GPC5: variants seen among roughly 807,000 people sequenced by gnomAD.
GPC5 encodes glypican 5.
A neutral mutation model predicts 53.9 loss-of-function variants in GPC5; 47 were observed. The observed-to-expected ratio is 0.87, with a 90% CI of 0.69 to 1.11. GPC5 has a LOEUF of 1.11. Ranked by LOEUF, GPC5 falls within the 50% of genes most tolerant of loss-of-function variation. The pLI, the probability that GPC5 is intolerant of heterozygous loss-of-function variation, is 0.00. For synonymous variants in GPC5, 286 were observed against 263.3 expected (o/e 1.09, Z -0.84); for missense variants, 748 against 713.1 (o/e 1.05, Z -0.56).
intron 7 of GPC5, among the ~76,000 whole-genome samples, chr13:92,519,296 A>C (rs995272208): frequency 2.6e-5 from 4 of 151,938 alleles, no homozygotes; most frequent in Non-Finnish European, 4.4e-5. Flanking sequence ...CATCTACAGA[A>C]CTCTCCACCC....
At chr13:92,615,979 G>A (rs542337557) in intron 7 of GPC5, among the ~76,000 whole-genome samples, 1 of 152,208 alleles carries the variant, frequency 6.6e-6, no homozygotes, top group Non-Finnish European at 1.5e-5. Context: ...GCGTGAACCC[G>A]GGAGGCAGAG....
At chr13:92,253,757 T>A (rs1289074551) in intron 7 of GPC5, among the ~76,000 whole-genome samples, 3 of 152,102 alleles carry the variant, frequency 2.0e-5, no homozygotes, top group Non-Finnish European at 4.4e-5. Context: ...GATAGTACTA[T>A]TTTATTAACA....
chr13:91,685,930 T>TAA (rs34313349), intron 2 of GPC5, among the ~76,000 whole-genome samples: 3 of 142,220 alleles, frequency 2.1e-5, no homozygotes, highest in African/African-American at 5.1e-5. Context: ...ATGAATTAAC[T>TAA]AAAAAAAAAA....
intron 5 of GPC5, among the ~76,000 whole-genome samples, chr13:91,859,697 C>A (rs1464640421): frequency 1.3e-5 from 2 of 150,816 alleles, no homozygotes; most frequent in East Asian, 2.0e-4. Context: ...TTCAAAGGAA[C>A]TTTTCACTTT....
chr13:92,038,763 A>G (rs1048960749), intron 6 of GPC5, among the ~76,000 whole-genome samples: 10 of 152,018 alleles, frequency 6.6e-5, no homozygotes, highest in African/African-American at 2.4e-4. Flanking sequence ...GTATTACTCA[A>G]TACCTTGAAA....
intron 5 of GPC5, among the ~76,000 whole-genome samples, chr13:91,818,033 A>C (rs979073189): frequency 6.6e-6 from 1 of 152,164 alleles, no homozygotes; most frequent in African/African-American, 2.4e-5. Context: ...TTCACCTAAA[A>C]GGGTATTTTA....
intron 7 of GPC5, among the ~76,000 whole-genome samples, chr13:92,287,514 A>G (rs1332544211): frequency 6.6e-6 from 1 of 152,114 alleles, no homozygotes; most frequent in African/African-American, 2.4e-5. Flanking sequence ...AGTGTGCCTC[A>G]TACATATTGA....
chr13:92,322,546 A>G (rs2043223225), intron 7 of GPC5, among the ~76,000 whole-genome samples: 1 of 152,230 alleles, frequency 6.6e-6, no homozygotes, highest in Admixed American at 6.5e-5. Flanking sequence ...TGCTTAATGC[A>G]GTCTCACTAG....
At chr13:91,890,708 G>A (rs1182093794) in intron 5 of GPC5, among the ~76,000 whole-genome samples, 1 of 152,146 alleles carries the variant, frequency 6.6e-6, no homozygotes, top group Non-Finnish European at 1.5e-5. Context: ...AGTTTTAAAA[G>A]GTAAAATACA....
intron 3 of GPC5, among the ~76,000 whole-genome samples, chr13:91,706,095 G>A (rs1200958575): frequency 1.3e-5 from 2 of 151,718 alleles, no homozygotes; most frequent in African/African-American, 4.8e-5. Context: ...TGGCCAGGAT[G>A]GTCTTGATCT....
chr13:92,111,873 T>G (rs1327027932), intron 6 of GPC5, among the ~76,000 whole-genome samples: 1 of 152,156 alleles, frequency 6.6e-6, no homozygotes, highest in Non-Finnish European at 1.5e-5. Flanking sequence ...AAAACTATTT[T>G]GAAGGGAGGA....
Position 91,857,516 on chromosome 13 carries a change from A to G in GPC5, c.1281-50421A>G, listed in dbSNP as rs572148624. ...ACATATTGGTCTTATGTCTTGTTTT[A>G]TATATTTCTTATGATTTTATACACA... is the stretch of plus-strand genomic sequence containing the variant. On this transcript the variant is annotated intron_variant, in intron 5 of 7. Coordinates refer to ENST00000377067, the MANE Select transcript of GPC5 (RefSeq NM_004466.6). 4.5e-4 allele frequency among the ~76,000 whole-genome samples: 68 copies of G among 150,944 alleles called. 1 individual carries two copies. The South Asian group carries it at 0.014, about 31-fold the overall frequency.
Position 92,405,783 on chromosome 13 carries a change from A to G in GPC5, c.1561+260794A>G, listed in dbSNP as rs189850420. Among the ~76,000 whole-genome samples the G allele has an allele frequency of 8.4e-3, 1,275 of 152,084 alleles. 14 individuals carry two copies. Among genetic ancestry groups the G allele is most frequent in the Non-Finnish European group, 8.5e-3 (578 of 67,978 alleles). On this transcript the variant is annotated intron_variant, in intron 7 of 7. Coordinates refer to ENST00000377067, the MANE Select transcript of GPC5 (RefSeq NM_004466.6). Reference sequence around the variant, plus strand: ...TTATAAAGTGTATTCAACCACTGGGAAAAAAAAGTCTATATTTACACGTCC... The same window carrying G: ...TTATAAAGTGTATTCAACCACTGGGGAAAAAAAGTCTATATTTACACGTCC...
intron 7 of GPC5, among the ~76,000 whole-genome samples, chr13:92,803,249 A>G (rs1876974297): frequency 1.3e-5 from 2 of 151,946 alleles, no homozygotes; most frequent in African/African-American, 4.8e-5. Context: ...TAATCAGTGG[A>G]TAAATGTTTT....
intron 7 of GPC5, among the ~76,000 whole-genome samples, chr13:92,637,091 C>T (rs1256182330): frequency 2.0e-5 from 3 of 152,108 alleles, no homozygotes; most frequent in African/African-American, 4.8e-5. Flanking sequence ...GCCTTGGTTA[C>T]GACCCCCAAA....
In GPC5 at chr13:92,288,863, G is replaced by T. The variant is rs542236517; in HGVS notation, c.1561+143874G>T. Reference sequence around the variant, plus strand: ...TAACAGTTTCCCAAGACCATCAACTGGTTTCATAAAGTCCCCTCCAAATGT... The same window carrying T: ...TAACAGTTTCCCAAGACCATCAACTTGTTTCATAAAGTCCCCTCCAAATGT... On this transcript the variant is annotated intron_variant, in intron 7 of 7. Coordinates refer to ENST00000377067, the MANE Select transcript of GPC5 (RefSeq NM_004466.6). Among the ~76,000 whole-genome samples, 2 of 152,064 alleles carry T rather than the reference G, an allele frequency of 1.3e-5. 1 individual carries two copies. Among genetic ancestry groups the T allele is most frequent in the Non-Finnish European group, 2.9e-5 (2 of 68,024 alleles).
intron 7 of GPC5, among the ~76,000 whole-genome samples, chr13:92,369,515 T>G (rs1594139207): frequency 1.3e-5 from 2 of 152,200 alleles, no homozygotes; most frequent in South Asian, 4.1e-4. Flanking sequence ...GTTTTCTCTT[T>G]GGTATTAAAT....
chr13:92,031,716 T>TATA lies in GPC5; in HGVS notation c.1402-113113_1402-113111dup, dbSNP rs1555305660. Among the ~76,000 whole-genome samples the TATA allele has an allele frequency of 1.0e-3, 28 of 26,738 alleles. 2 individuals are homozygous for TATA. The highest frequency in any genetic ancestry group is 2.9e-3 in the African/African-American group (24 of 8,206). 17.5% of individuals were successfully genotyped at this position (26,738 alleles called of 152,430 possible). On this transcript the variant is annotated intron_variant, in intron 6 of 7. Coordinates refer to ENST00000377067, the MANE Select transcript of GPC5 (RefSeq NM_004466.6). ...TATATAATATATTATATATATTACATATATGTAATATATTACATATTATAT... is the reference window on the plus strand; with the variant it reads ...TATATAATATATTATATATATTACATATAATATGTAATATATTACATATTATAT...
chr13:91,459,468 G>A (rs1462776958), intron 2 of GPC5, among the ~76,000 whole-genome samples: 1 of 119,406 alleles, frequency 8.4e-6, no homozygotes, highest in African/African-American at 3.3e-5. Flanking sequence ...GACATAGTAA[G>A]AAAAGAATTG....
Sources: allele counts gnomAD v4.1 joint callset (sites outside exome capture counted in the v4.1 genomes callset), GRCh38; gene constraint gnomAD v4.1.1; transcripts MANE v1.5; gene names NCBI Gene and HGNC (gene_info 2026-07-23, HGNC 2026-07-21).